PIWIL1: variants seen among roughly 807,000 people sequenced by gnomAD.
The protein encoded by PIWIL1 is piwi like RNA-mediated gene silencing 1, also known as piwi-like protein 1.
In PIWIL1, 73 loss-of-function variants were observed where a neutral mutation model predicts 114.4. The ratio of observed to expected loss-of-function variants is 0.64; its 90% CI spans 0.53 to 0.78. The LOEUF (loss-of-function observed/expected upper bound fraction) is 0.78. PIWIL1 is among the 30% of genes least tolerant of loss of function. The probability of loss-of-function intolerance (pLI) is 0.00; values close to 1 mark genes in which losing one functional copy is unlikely to be tolerated. For missense variants in PIWIL1, 723 were observed against 1,063.1 expected, an observed-to-expected ratio of 0.68 and a Z score of 4.45; for synonymous variants, 375 against 369.0, an observed-to-expected ratio of 1.02 and a Z score of -0.19.
At chr12:130,423,691 C>CCT in the PIWIL1 span, among the ~76,000 whole-genome samples, 1 of 99,040 alleles carries the variant, frequency 1.0e-5, no homozygotes, top group Admixed American at 1.1e-4. Flanking sequence ...TTTCTTCAAT[C>CCT]TTTTTTTTTT....
chr12:130,425,851 C>T, the PIWIL1 span: 11 of 152,376 alleles, frequency 7.2e-5, no homozygotes, highest in African/African-American at 2.2e-4. Context: ...GTCTGTCCCC[C>T]CTCTTGCTGT....
chr12:130,361,238 T>C lies in PIWIL1; in HGVS notation c.1724T>C (p.Leu575Pro), dbSNP rs17852568. The C allele has an allele frequency of 6.2e-7, 1 of 1,614,174 alleles. No homozygotes were observed. The highest frequency in any genetic ancestry group is 8.5e-7 in the Non-Finnish European group (1 of 1,180,036). ...KDKYDAIKKY[L>P]CTDCPTPSQC... ...AAATACGATGCTATTAAAAAATACCTGTGTACAGATTGCCCTACCCCAAGT... is the reference window on the plus strand; with the variant it reads ...AAATACGATGCTATTAAAAAATACCCGTGTACAGATTGCCCTACCCCAAGT... Residue 575 changes from leucine to proline, a missense_variant, in exon 15 of 21, where the codon CTG (leucine) becomes CCG (proline). Leu to Pro is a moderately conservative substitution (Grantham distance 98). Around this residue, in one of 8 missense-constraint regions of PIWIL1, gnomAD observed 298 missense variants for 420.8 expected, o/e 0.71. Transcript: ENST00000245255.
Position 130,349,948 on chromosome 12 carries a change from T to C in PIWIL1, c.1025T>C (p.Phe342Ser). Residue 342 changes from phenylalanine (F) to serine (S), a missense_variant, in exon 9 of 21, where the codon TTC becomes TCC. Coordinates refer to ENST00000245255, the MANE Select transcript of PIWIL1 (RefSeq NM_004764.5). ...FKKADGSEVS[F>S]LEYYRKQYNQ... ...AAAGCCGACGGCTCTGAAGTCAGCT[T>C]CTTAGAATACTACAGGAAGGTAAGA... The C allele has an allele frequency of 6.2e-7, 1 of 1,608,030 alleles. No individual in the cohort carries two copies. The highest frequency in any genetic ancestry group is 8.5e-7 in the Non-Finnish European group (1 of 1,175,496).
At chr12:130,347,837 G>T (rs1462493808) in intron 6 of PIWIL1, among the ~76,000 whole-genome samples, 1 of 152,216 alleles carries the variant, frequency 6.6e-6, no homozygotes, top group Non-Finnish European at 1.5e-5. Flanking sequence ...GAGCGGTCAT[G>T]GCTGTGTGCC....
In PIWIL1 at chr12:130,371,065, G is replaced by A. The variant is rs1165018399; in HGVS notation, c.2322-111G>A. 8.1e-6 allele frequency: 7 copies of A among 861,206 alleles called. No homozygotes were observed. In the East Asian group the frequency reaches 1.2e-4, roughly 15 times the overall value. The allele number at this position is 861,206 out of a possible 1,614,324, so 53.3% of individuals were successfully genotyped here. ...CACGTTACAGCGTGAGAAGAGATGA[G>A]GTTACTGTAGTAACTTACAGTGAAG... is the stretch of plus-strand genomic sequence containing the variant. On this transcript the variant is annotated intron_variant, in intron 19 of 20. Coordinates refer to ENST00000245255, the MANE Select transcript of PIWIL1 (RefSeq NM_004764.5).
the PIWIL1 span, chr12:130,425,404 C>T: frequency 6.5e-6 from 1 of 152,702 alleles, no homozygotes; most frequent in Non-Finnish European, 1.5e-5. Context: ...ACGTGTCACC[C>T]TTCTCCCTAA....
At chr12:130,384,543 C>T in the PIWIL1 span, among the ~76,000 whole-genome samples, 6 of 152,318 alleles carry the variant, frequency 3.9e-5, no homozygotes, top group East Asian at 9.6e-4. Flanking sequence ...ATGTTAATGA[C>T]ATACGTTGAA....
Position 130,355,566 on chromosome 12 carries a change from C to T in PIWIL1, c.1303C>T (p.Gln435Ter), listed in dbSNP as rs1210938882. The T allele has an allele frequency of 1.2e-6, 2 of 1,612,492 alleles. No individual in the cohort carries two copies. Among genetic ancestry groups the T allele is most frequent in the Non-Finnish European group, 1.7e-6 (2 of 1,178,488 alleles). The change falls in exon 12 of 21, where the codon CAA becomes TAA. Residue 435 changes from glutamine to a stop codon, truncating the protein, a stop_gained. Transcript: ENST00000245255. LOFTEE classifies it high-confidence loss of function. ...IDYIHKNDNV[Q>*]RELRDWGLSF... ...TTAAATTTACAGAAACGATAATGTT[C>T]AAAGGGAGCTTCGAGACTGGGGTTT...
chr12:130,348,831 C>T (rs1460576885), intron 7 of PIWIL1, among the ~76,000 whole-genome samples: 5 of 151,986 alleles, frequency 3.3e-5, no homozygotes, highest in Admixed American at 6.6e-5. Flanking sequence ...ACCCGGGAGG[C>T]GGAGGTTGCA....
rs754914489 is a variant in PIWIL1 at position 130,349,299 on chromosome 12, C to T, written c.795C>T (p.Leu265=). The change falls in exon 8 of 21, where the codon CTC becomes CTT. Residue 265 remains leucine, a synonymous_variant. Transcript: ENST00000245255. ...TTCAGTATGAAAACAGCATCATGCT[C>T]TGCACTGACGTTAGCCATAAAGTCC... The part of the protein sequence containing the change: ...SILQYENSIM[L]CTDVSHKVLR... The T allele has an allele frequency of 5.0e-6, 8 of 1,614,090 alleles. No homozygotes were observed.
chr12:130,397,754 C>T, the PIWIL1 span: 34 of 369,930 alleles, frequency 9.2e-5, no homozygotes, highest in Admixed American at 1.8e-4. Context: ...GTGTGGGTTC[C>T]GTTTCTCTGT....
At chr12:130,393,753 T>C in the PIWIL1 span, among the ~76,000 whole-genome samples, 2 of 152,228 alleles carry the variant, frequency 1.3e-5, no homozygotes, top group East Asian at 3.9e-4. Flanking sequence ...GTTGGATTCC[T>C]AGAAATGAGA....
intron 12 of PIWIL1, among the ~76,000 whole-genome samples, chr12:130,355,979 A>G (rs888931677): frequency 3.3e-5 from 5 of 152,132 alleles, no homozygotes; most frequent in Non-Finnish European, 7.4e-5. Flanking sequence ...TGGAAGCCCT[A>G]GAGAATGTGG....
the PIWIL1 span, among the ~76,000 whole-genome samples, chr12:130,392,205 A>G: frequency 0.025 from 1,208 of 48,694 alleles, 84 homozygotes; most frequent in Middle Eastern, 0.068. Flanking sequence ...ACGTGGATGC[A>G]TCAGTTACCC....
chr12:130,426,064 G>A, the PIWIL1 span: 1 of 152,274 alleles, frequency 6.6e-6, no homozygotes, highest in African/African-American at 2.4e-5. Flanking sequence ...ATCCTTAGAG[G>A]ACAGGGATGG....
In PIWIL1 at chr12:130,363,129, T is replaced by C. The variant is rs779138608; in HGVS notation, c.2180T>C (p.Ile727Thr). 32 of 1,614,004 alleles carry C rather than the reference T, an allele frequency of 2.0e-5. No homozygotes were observed. Among genetic ancestry groups the C allele is most frequent in the African/African-American group, 8.0e-5 (6 of 74,936 alleles). Residue 727 changes from isoleucine (I) to threonine (T), a missense_variant, in exon 18 of 21, where the codon ATT (isoleucine) becomes ACT (threonine). Physicochemically the swap from Ile to Thr is moderately conservative, Grantham distance 89. Transcript: ENST00000245255. ...CAGTTTTTGGATTGTCTAAAATCCA[T>C]TGGTAGAGGTTACAAGTAAGCATGC... Reference protein sequence around the residue: ...VPQFLDCLKSIGRGYNPRLTV... With the variant: ...VPQFLDCLKSTGRGYNPRLTV...
intron 8 of PIWIL1, 49 bp from the exon 9 acceptor site, chr12:130,349,807 A>T: frequency 9.8e-7 from 1 of 1,024,370 alleles, no homozygotes; most frequent in Non-Finnish European, 1.5e-6. Flanking sequence ...TTTTAATATT[A>T]GTTCTTCACA....
At chr12:130,391,865 C>G in the PIWIL1 span, among the ~76,000 whole-genome samples, 1 of 151,906 alleles carries the variant, frequency 6.6e-6, no homozygotes, top group Non-Finnish European at 1.5e-5. Flanking sequence ...CCTGTGACCA[C>G]GAGAGCCTTT....
At chr12:130,374,833 A>G (rs1313099018), downstream of PIWIL1, among the ~76,000 whole-genome samples, 1 of 152,130 alleles carries the variant, frequency 6.6e-6, no homozygotes, top group Non-Finnish European at 1.5e-5. Context: ...CTGCTCCTCA[A>G]CTTTTCCTGT....
Sources: gnomAD v4.1 joint callset for allele counts (sites outside exome capture counted in the v4.1 genomes callset) on GRCh38, gnomAD v4.1.1 for gene constraint, gnomAD v4.1.1 regional missense constraint, MANE v1.5 for transcripts, NCBI Gene and HGNC (gene_info 2026-07-23, HGNC 2026-07-21) for gene names.